The following NR1H3 variants were observed in gnomAD, a reference collection of about 807,000 sequenced individuals.
The protein encoded by NR1H3 is oxysterols receptor LXR-alpha.
NR1H3 carries 19 observed loss-of-function variants against 48.1 expected under a neutral mutation model. The ratio of observed to expected loss-of-function variants is 0.40; its 90% CI spans 0.28 to 0.58. The LOEUF is 0.58. Ranked by LOEUF, NR1H3 falls within the 20% of genes least tolerant of loss-of-function variation. The pLI is 0.50. For missense variants in NR1H3, 486 were observed against 595.9 expected, an observed-to-expected ratio of 0.82 and a Z score of 1.92; for synonymous variants, 232 against 227.3, an observed-to-expected ratio of 1.02 and a Z score of -0.19.
chr11:47,263,660 T>C (rs1373615612), intron 7 of NR1H3, among the ~76,000 whole-genome samples: 2 of 149,938 alleles, frequency 1.3e-5, no homozygotes, highest in South Asian at 2.1e-4. Flanking sequence ...TGGAGTGCAG[T>C]GACGCGATCT....
intron 1 of NR1H3, among the ~76,000 whole-genome samples, chr11:47,252,610 G>A (rs1954755378): frequency 1.3e-5 from 2 of 151,322 alleles, no homozygotes; most frequent in Non-Finnish European, 2.9e-5. Flanking sequence ...GTCTCCCACT[G>A]TCGCCCAGGC....
upstream of NR1H3, among the ~76,000 whole-genome samples, chr11:47,254,288 C>T (rs1954898838): frequency 6.6e-6 from 1 of 152,234 alleles, no homozygotes. Flanking sequence ...GAAGATAGGG[C>T]ACCAGGCCCC....
At chr11:47,262,043 T>G (rs760729140) in intron 7 of NR1H3, 25 bp downstream of exon 7, 2 of 1,538,870 alleles carry the variant, frequency 1.3e-6, no homozygotes, top group African/African-American at 2.7e-5. Context: ...CACACAGGGA[T>G]TGGGGTTGGG....
chr11:47,268,798 A>C lies in NR1H3; in HGVS notation c.*102A>C. On this transcript the variant is annotated 3_prime_UTR_variant, in exon 10 of 10. Coordinates refer to ENST00000441012, the MANE Select transcript of NR1H3 (RefSeq NM_005693.4). ...ACTGAGAAGGGCAAACATTCCTGGG[A>C]GCTGGGCAAGGAGATCCTCCCGTGG... is the stretch of plus-strand genomic sequence containing the variant. 1 of 1,434,330 alleles carries C rather than the reference A, an allele frequency of 7.0e-7. No individual in the cohort carries two copies. Among genetic ancestry groups the C allele is most frequent in the Non-Finnish European group, 9.5e-7 (1 of 1,057,402 alleles). 88.9% of individuals were successfully genotyped at this position (1,434,330 alleles called of 1,614,324 possible).
chr11:47,261,539 C>T lies in NR1H3; in HGVS notation c.709-8C>T, dbSNP rs780211417. On this transcript the variant is annotated splice_polypyrimidine_tract_variant and splice_region_variant and intron_variant, in intron 5 of 9. Transcript: ENST00000441012. ...CTCAAAGCGCTTTGCCTTTTCCCTC[C>T]TGGGTAGCCTTGGCCCATGGCACCA... 4 of 1,613,214 alleles carry T rather than the reference C, an allele frequency of 2.5e-6. No individual in the cohort carries two copies. Among genetic ancestry groups the T allele is most frequent in the Non-Finnish European group, 3.4e-6 (4 of 1,179,282 alleles).
At chr11:47,252,982 A>G (rs1954787079) in intron 1 of NR1H3, among the ~76,000 whole-genome samples, 1 of 126,310 alleles carries the variant, frequency 7.9e-6, no homozygotes, top group Admixed American at 8.6e-5. Flanking sequence ...TTTTTTTGAG[A>G]CAGTCTCCCT....
upstream of NR1H3, among the ~76,000 whole-genome samples, chr11:47,255,591 T>TCTCTC (rs1565178611): frequency 6.7e-5 from 4 of 59,462 alleles, no homozygotes; most frequent in South Asian, 1.3e-3. Flanking sequence ...CTTTCTTTCT[T>TCTCTC]TCTTTCTCTC....
chr11:47,251,158 C>CAAAAAAAAAAAAAAAAA (rs371757732), intron 1 of NR1H3, among the ~76,000 whole-genome samples: 1 of 143,472 alleles, frequency 7.0e-6, no homozygotes, highest in South Asian at 2.2e-4. Flanking sequence ...GACTCCGTCT[C>CAAAAAAAAAAAAAAAAA]AAAAAAAAAA....
chr11:47,251,288 T>C (rs1954633378), intron 1 of NR1H3, among the ~76,000 whole-genome samples: 1 of 152,126 alleles, frequency 6.6e-6, no homozygotes, highest in Non-Finnish European at 1.5e-5. Flanking sequence ...AAGAGGTATC[T>C]GTCAAAGGAA....
intron 1 of NR1H3, 164 bp from the exon 2 acceptor site, chr11:47,259,016 A>G (rs769524453): frequency 2.7e-4 from 347 of 1,287,592 alleles, no homozygotes; most frequent in Non-Finnish European, 3.4e-4. Context: ...GTCTCTAAAA[A>G]ACATAATAGT....
chr11:47,249,310 A>G (rs1954403292), intron 1 of NR1H3, among the ~76,000 whole-genome samples: 1 of 151,716 alleles, frequency 6.6e-6, no homozygotes, highest in Non-Finnish European at 1.5e-5. Flanking sequence ...TATGTAAACA[A>G]CCCTTTGGAC....
upstream of NR1H3, among the ~76,000 whole-genome samples, chr11:47,254,232 G>A (rs1954893052): frequency 6.6e-6 from 1 of 152,162 alleles, no homozygotes; most frequent in Non-Finnish European, 1.5e-5. Context: ...GTCAGGGGAG[G>A]GAGTTGAAGA....
chr11:47,251,287 C>G (rs1026597848), intron 1 of NR1H3, among the ~76,000 whole-genome samples: 2 of 152,118 alleles, frequency 1.3e-5, no homozygotes, highest in African/African-American at 4.8e-5. Context: ...AAAGAGGTAT[C>G]TGTCAAAGGA....
At chr11:47,252,518 C>T (rs1052095498) in intron 1 of NR1H3, among the ~76,000 whole-genome samples, 5 of 151,980 alleles carry the variant, frequency 3.3e-5, no homozygotes, top group African/African-American at 1.2e-4. Flanking sequence ...TTTGGCCTCC[C>T]AAAGTGCTGG....
rs1955910906 is a variant in NR1H3 at position 47,261,869 on chromosome 11, C to G, written c.889-50C>G. The G allele has an allele frequency of 3.1e-6, 5 of 1,599,212 alleles. No homozygotes were observed. The South Asian group carries it at 3.3e-5, about 11-fold the overall frequency. ...CGGCCTCCCTGGAAGAGGCCATGCTCCAAGACCAGCCCTCCTAGTCCCCGT... is the reference window on the plus strand; with the variant it reads ...CGGCCTCCCTGGAAGAGGCCATGCTGCAAGACCAGCCCTCCTAGTCCCCGT... On this transcript the variant is annotated intron_variant, in intron 6 of 9. Coordinates refer to ENST00000441012, the MANE Select transcript of NR1H3 (RefSeq NM_005693.4).
At chr11:47,263,803 G>C (rs1428891060) in intron 7 of NR1H3, among the ~76,000 whole-genome samples, 2 of 151,202 alleles carry the variant, frequency 1.3e-5, no homozygotes, top group East Asian at 3.9e-4. Flanking sequence ...GGGTTTCACT[G>C]TTTTGCCCAG....
chr11:47,262,302 C>G (rs1955975766), intron 7 of NR1H3, among the ~76,000 whole-genome samples: 1 of 151,904 alleles, frequency 6.6e-6, no homozygotes, highest in Admixed American at 6.6e-5. Flanking sequence ...TCACTTGAAT[C>G]TGGGAGGCAG....
intron 1 of NR1H3, chr11:47,258,958 TTGAG>T (rs1955511423): frequency 1.3e-5 from 9 of 710,992 alleles, no homozygotes; most frequent in East Asian, 3.5e-5. Context: ...AGAGGATCAC[TTGAG>T]CCCAGGAATT....
upstream of NR1H3, among the ~76,000 whole-genome samples, chr11:47,257,411 C>G (rs1955284642): frequency 6.6e-6 from 1 of 152,222 alleles, no homozygotes; most frequent in Non-Finnish European, 1.5e-5. Context: ...GGCCTCCTCT[C>G]TTATCTGTGG....
Sources: allele counts gnomAD v4.1 joint callset (sites outside exome capture counted in the v4.1 genomes callset), GRCh38; gene constraint gnomAD v4.1.1; transcripts MANE v1.5; gene names NCBI Gene and HGNC (gene_info 2026-07-23, HGNC 2026-07-21).